ANKRD44: variants seen among roughly 807,000 people sequenced by gnomAD.
The protein encoded by ANKRD44 is serine/threonine-protein phosphatase 6 regulatory ankyrin repeat subunit B.
In ANKRD44, 35 loss-of-function variants were observed where a neutral mutation model predicts 116.0. That is an observed-to-expected ratio of 0.30 (90% CI 0.23 to 0.40). ANKRD44 has a LOEUF of 0.40. Among genes scored for constraint, ANKRD44 ranks in the 10% least tolerant of loss-of-function variants. The pLI, the probability that ANKRD44 is intolerant of heterozygous loss-of-function variation, is 1.00. For synonymous variants in ANKRD44, 435 were observed against 461.8 expected (o/e 0.94, Z 0.74); for missense variants, 1,014 against 1,242.6 (o/e 0.82, Z 2.77).
chr2:196,980,539 T>C (rs928985021), intron 21 of ANKRD44, among the ~76,000 whole-genome samples: 4 of 152,226 alleles, frequency 2.6e-5, no homozygotes, highest in African/African-American at 7.2e-5. Flanking sequence ...AACAGCAATA[T>C]AGAATTCCAA....
At chr2:197,207,629 C>T (rs1019704577) in intron 1 of ANKRD44, among the ~76,000 whole-genome samples, 4 of 152,190 alleles carry the variant, frequency 2.6e-5, no homozygotes, top group African/African-American at 9.7e-5. Flanking sequence ...ATCCTCTTCT[C>T]GTTTCTTCCT....
chr2:197,091,677 T>G (rs1180774983), intron 10 of ANKRD44, among the ~76,000 whole-genome samples: 2 of 152,216 alleles, frequency 1.3e-5, no homozygotes, highest in African/African-American at 4.8e-5. Context: ...ATTTCTTGAT[T>G]TGATAAACAA....
At chr2:196,990,461 CTTAGAT>C in intron 27 of ANKRD44, 2 of 1,204,474 alleles carry the variant, frequency 1.7e-6, no homozygotes, top group Non-Finnish European at 2.1e-6. Context: ...ACAGAAGTAT[CTTAGAT>C]TTAAAGAAAA....
At chr2:197,011,692 C>T (rs1000815952) in intron 18 of ANKRD44, among the ~76,000 whole-genome samples, 5 of 152,158 alleles carry the variant, frequency 3.3e-5, no homozygotes, top group East Asian at 1.9e-4. Context: ...AGGCTGGTCT[C>T]GAACTCCTGA....
chr2:197,064,312 G>A lies in ANKRD44; in HGVS notation c.1650+14391C>T, dbSNP rs185821761. 3.8e-3 allele frequency among the ~76,000 whole-genome samples: 578 copies of A among 152,230 alleles called. 8 individuals are homozygous for A. Among genetic ancestry groups the A allele is most frequent in the African/African-American group, 0.014 (561 of 41,526 alleles). On this transcript the variant is annotated intron_variant, in intron 16 of 27. Coordinates refer to ENST00000282272, the MANE Select transcript of ANKRD44 (RefSeq NM_001195144.2). The stretch of plus-strand genomic sequence containing the variant: ...AGCTCCTGAAGGAAGCACTAAACAT[G>A]GAAAGGAACAACCGGTACCAGCCAC...
intron 17 of ANKRD44, among the ~76,000 whole-genome samples, chr2:197,018,109 T>C (rs16860648): frequency 0.05 from 7,649 of 152,294 alleles, 439 homozygotes; most frequent in African/African-American, 0.15. Context: ...ATCACCAACC[T>C]GTTTTGCCAG....
chr2:197,087,717 G>T (rs753927978), intron 12 of ANKRD44, among the ~76,000 whole-genome samples: 6 of 152,090 alleles, frequency 3.9e-5, no homozygotes, highest in Non-Finnish European at 8.8e-5. Flanking sequence ...ATAAGTATGT[G>T]TTGGTGTAGC....
At position 197,273,488 on chromosome 2, in the gene ANKRD44, G is replaced by A. The variant is rs1015063045; in HGVS notation, c.27+37090C>T. ...GCCAAAATTATTCTAACACACAGTC[G>A]CCAAAATGCTTTGCCTTTGATTAAA... On this transcript the variant is annotated intron_variant, in intron 1 of 27. Coordinates refer to ENST00000282272, the MANE Select transcript of ANKRD44 (RefSeq NM_001195144.2). 3.9e-5 allele frequency among the ~76,000 whole-genome samples: 6 copies of A among 152,284 alleles called. No individual in the cohort carries two copies. The South Asian group carries it at 6.2e-4, about 16-fold the overall frequency.
intron 1 of ANKRD44, among the ~76,000 whole-genome samples, chr2:197,221,080 T>C (rs1342246591): frequency 2.6e-5 from 4 of 151,958 alleles, no homozygotes; most frequent in African/African-American, 9.7e-5. Flanking sequence ...TGAAACCCCG[T>C]CTCTACTAAA....
Position 196,987,907 on chromosome 2 carries a change from GA to G in ANKRD44, c.*1683del. On this transcript the variant is annotated 3_prime_UTR_variant, in exon 28 of 28. Coordinates refer to ENST00000282272, the MANE Select transcript of ANKRD44 (RefSeq NM_001195144.2). Reference sequence around the variant, plus strand: ...TTCTAAGAGATGTAATTAAAATACAGAAATGATAGTTTTTAAAGTCATTTCT... The same window carrying G: ...TTCTAAGAGATGTAATTAAAATACAGAATGATAGTTTTTAAAGTCATTTCT... 1 of 982,924 alleles carries G rather than the reference GA, an allele frequency of 1.0e-6. No individual in the cohort carries two copies. Among genetic ancestry groups the G allele is most frequent in the Non-Finnish European group, 1.2e-6 (1 of 827,830 alleles). The allele number at this position is 982,924 out of a possible 1,614,324, so 60.9% of individuals were successfully genotyped here.
intron 1 of ANKRD44, among the ~76,000 whole-genome samples, chr2:197,308,978 T>G (rs1274587903): frequency 1.3e-5 from 2 of 152,220 alleles, no homozygotes; most frequent in Non-Finnish European, 2.9e-5. Flanking sequence ...CTTCTCCAGA[T>G]CTGTTTTGTC....
chr2:197,016,150 T>C (rs1158189128), intron 17 of ANKRD44: 6 of 317,050 alleles, frequency 1.9e-5, no homozygotes, highest in South Asian at 1.1e-4. Context: ...TGATCATCCA[T>C]AGTCAGAAAA....
rs771910566 is a variant in ANKRD44 at position 197,000,444 on chromosome 2, C to T, written c.2494G>A (p.Val832Ile). The T allele has an allele frequency of 1.6e-5, 26 of 1,613,866 alleles. No homozygotes were observed. The South Asian group carries it at 1.8e-4, about 11-fold the overall frequency. Residue 832 changes from valine to isoleucine, a missense_variant, in exon 23 of 28, where the codon GTC becomes ATC. Transcript: ENST00000282272. ...CTGCCTTTGTCATCTCTACAACTGACGATACTGGAATCTATGGCCCCAAGC... is the reference window on the plus strand; with the variant it reads ...CTGCCTTTGTCATCTCTACAACTGATGATACTGGAATCTATGGCCCCAAGC... ...LLLGAIDSSI[V>I]SCRDDKGRTP... is the part of the protein sequence containing the mutation.
chr2:197,211,757 G>A (rs2125697334), intron 1 of ANKRD44, among the ~76,000 whole-genome samples: 1 of 152,090 alleles, frequency 6.6e-6, no homozygotes, highest in South Asian at 2.1e-4. Context: ...CCAACTTGGA[G>A]GTTCCAGGTG....
chr2:197,280,740 G>T (rs2083240553), intron 1 of ANKRD44, among the ~76,000 whole-genome samples: 1 of 152,134 alleles, frequency 6.6e-6, no homozygotes, highest in South Asian at 2.1e-4. Context: ...TGATAAACCA[G>T]CTACCCACAG....
At chr2:197,136,736 T>C in intron 3 of ANKRD44, 74 bp from the exon 4 acceptor site, 1 of 1,302,530 alleles carries the variant, frequency 7.7e-7, no homozygotes, top group South Asian at 1.2e-5. Context: ...TCAAATGCTG[T>C]ATCTTGCTCC....
chr2:196,968,331 G>T (rs2075689942), intron 21 of ANKRD44, among the ~76,000 whole-genome samples: 1 of 152,186 alleles, frequency 6.6e-6, no homozygotes, highest in Non-Finnish European at 1.5e-5. Flanking sequence ...CATTGGCAGG[G>T]AGAGTGTACC....
chr2:197,006,371 G>A lies in ANKRD44; in HGVS notation c.2131-461C>T, dbSNP rs561905185. Among the ~76,000 whole-genome samples the A allele has an allele frequency of 5.6e-4, 85 of 152,256 alleles. No individual in the cohort carries two copies. In the South Asian group the frequency reaches 0.017, roughly 30 times the overall value. Reference sequence around the variant, plus strand: ...GAGGCAGGAGAATGGCGTGAACCTGGGAGGCAGAGCTTGCAGTGAGCCCAC... The same window carrying A: ...GAGGCAGGAGAATGGCGTGAACCTGAGAGGCAGAGCTTGCAGTGAGCCCAC... On this transcript the variant is annotated intron_variant, in intron 20 of 27. Coordinates refer to ENST00000282272, the MANE Select transcript of ANKRD44 (RefSeq NM_001195144.2).
rs189704317 is a variant in ANKRD44 at position 197,007,912 on chromosome 2, A to G, written c.2024T>C (p.Met675Thr). 8.1e-6 allele frequency: 13 copies of G among 1,613,330 alleles called. No homozygotes were observed. The highest frequency in any genetic ancestry group is 2.2e-5 in the East Asian group (1 of 44,850). Reference sequence around the variant, plus strand: ...AATATGTCCATATGCTACTGCAAGCATCAGTGGTGTTCTAGGCAGAGAGAT... The same window carrying G: ...AATATGTCCATATGCTACTGCAAGCGTCAGTGGTGTTCTAGGCAGAGAGAT... ...VKDAKGQTPL[M>T]LAVAYGHIDA... Residue 675 changes from methionine to threonine, a missense_variant, in exon 20 of 28, where the codon ATG (methionine) becomes ACG (threonine). Physicochemically the swap from Met to Thr is moderately conservative, Grantham distance 81. Coordinates refer to ENST00000282272, the MANE Select transcript of ANKRD44 (RefSeq NM_001195144.2).
Sources: allele counts gnomAD v4.1 joint callset (sites outside exome capture counted in the v4.1 genomes callset), GRCh38; gene constraint gnomAD v4.1.1; transcripts MANE v1.5; gene names NCBI Gene and HGNC (gene_info 2026-07-23, HGNC 2026-07-21).